CCNY: variants seen among roughly 807,000 people sequenced by gnomAD.
CCNY encodes cyclin Y, also known as cyclin-Y.
In CCNY, 19 loss-of-function variants were observed where a neutral mutation model predicts 42.8. That is an observed-to-expected ratio of 0.44 (90% confidence interval 0.31 to 0.65). The LOEUF (loss-of-function observed/expected upper bound fraction) is 0.65. CCNY is among the 30% of genes least tolerant of loss of function. The pLI is 0.07. For missense variants in CCNY, 370 were observed against 437.3 expected (o/e 0.85, Z 1.37); for synonymous variants, 165 against 162.7 (o/e 1.01, Z -0.11).
At chr10:35,263,960 G>T (rs2095722332) in intron 3 of CCNY, among the ~76,000 whole-genome samples, 1 of 152,186 alleles carries the variant, frequency 6.6e-6, no homozygotes, top group Admixed American at 6.6e-5. Context: ...ACGTTAGTTT[G>T]CTGAGGAATG....
chr10:35,553,059 T>C lies in CCNY; in HGVS notation c.620T>C (p.Ile207Thr), dbSNP rs781608774. 11 of 1,614,092 alleles carry C rather than the reference T, an allele frequency of 6.8e-6. No individual in the cohort carries two copies. Among genetic ancestry groups the C allele is most frequent in the East Asian group, 4.5e-5 (2 of 44,904 alleles). ...CTTTTAACATACGCAGAGATAGATA[T>C]CTGTCCGGCCAACTGGAAGCGGATT... ...ERLLTYAEIDICPANWKRIVL... is the reference protein window; with the variant it reads ...ERLLTYAEIDTCPANWKRIVL... Residue 207 changes from isoleucine (I) to threonine (T), a missense_variant, in exon 8 of 10, where the codon ATC (isoleucine) becomes ACC (threonine). Coordinates refer to ENST00000374704, the MANE Select transcript of CCNY (RefSeq NM_145012.6).
chr10:35,294,772 G>A (rs893339419), intron 3 of CCNY, among the ~76,000 whole-genome samples: 1 of 152,156 alleles, frequency 6.6e-6, no homozygotes, highest in African/African-American at 2.4e-5. Flanking sequence ...GATTTGGGAA[G>A]CATTTTATAC....
chr10:35,255,459 G>C (rs992814408), intron 3 of CCNY, among the ~76,000 whole-genome samples: 1 of 151,820 alleles, frequency 6.6e-6, no homozygotes, highest in Non-Finnish European at 1.5e-5. Flanking sequence ...ACCATGCCTG[G>C]CTAATTTCCG....
chr10:35,256,451 C>T (rs1415287640), intron 3 of CCNY, among the ~76,000 whole-genome samples: 1 of 151,994 alleles, frequency 6.6e-6, no homozygotes, highest in East Asian at 1.9e-4. Flanking sequence ...ACTTAACATA[C>T]AAGGCTGGGC....
At chr10:35,376,228 T>C (rs1229896497) in intron 1 of CCNY, among the ~76,000 whole-genome samples, 1 of 152,200 alleles carries the variant, frequency 6.6e-6, no homozygotes, top group East Asian at 1.9e-4. Flanking sequence ...TATAAAATGG[T>C]GCAGCCACTG....
chr10:35,542,743 A>G (rs1841030164), intron 7 of CCNY, among the ~76,000 whole-genome samples: 1 of 152,232 alleles, frequency 6.6e-6, no homozygotes, highest in East Asian at 1.9e-4. Flanking sequence ...TGTGGAATCA[A>G]TTGAGTCTGA....
intron 3 of CCNY, among the ~76,000 whole-genome samples, chr10:35,326,335 A>G (rs887110380): frequency 3.9e-5 from 6 of 152,180 alleles, no homozygotes; most frequent in Non-Finnish European, 7.3e-5. Context: ...ACAGTTACTC[A>G]AAGTACAGCC....
At chr10:35,248,410 G>A (rs1002820959) in intron 2 of CCNY, among the ~76,000 whole-genome samples, 9 of 151,864 alleles carry the variant, frequency 5.9e-5, no homozygotes, top group East Asian at 5.8e-4. Context: ...TTGGGAGGCC[G>A]AGTTGGGCAG....
At position 35,477,569 on chromosome 10, in the gene CCNY, C is replaced by T. The variant is rs560332267; in HGVS notation, c.155-5835C>T. 1.6e-3 allele frequency among the ~76,000 whole-genome samples: 236 copies of T among 152,124 alleles called. 2 individuals carry two copies. Among genetic ancestry groups the T allele is most frequent in the Middle Eastern group, 3.4e-3 (1 of 294 alleles). ...TTATCTCAATAGATGCAAAGAAGGC[C>T]TTTGACAAAATTCAACAACCCTTCA... is the stretch of plus-strand genomic sequence containing the variant. On this transcript the variant is annotated intron_variant, in intron 1 of 9. Coordinates refer to ENST00000374704, the MANE Select transcript of CCNY (RefSeq NM_145012.6).
intron 3 of CCNY, among the ~76,000 whole-genome samples, chr10:35,317,264 T>C (rs1835771547): frequency 6.6e-6 from 1 of 152,220 alleles, no homozygotes; most frequent in Admixed American, 6.5e-5. Flanking sequence ...GTGTTAGGAT[T>C]ACAGGCATGA....
At chr10:35,540,478 G>A (rs1466027534) in intron 7 of CCNY, among the ~76,000 whole-genome samples, 1 of 151,898 alleles carries the variant, frequency 6.6e-6, no homozygotes, top group African/African-American at 2.4e-5. Flanking sequence ...ATCCATATTT[G>A]TAAGGAATTT....
intron 1 of CCNY, among the ~76,000 whole-genome samples, chr10:35,420,492 A>G (rs1838135857): frequency 1.3e-5 from 2 of 152,184 alleles, no homozygotes; most frequent in African/African-American, 4.8e-5. Flanking sequence ...TGACTTTGCA[A>G]CTACTCTTTC....
chr10:35,565,004 C>T (rs1159528073), intron 8 of CCNY, among the ~76,000 whole-genome samples: 1 of 151,076 alleles, frequency 6.6e-6, no homozygotes, highest in Non-Finnish European at 1.5e-5. Flanking sequence ...GGTGGGCACC[C>T]CTGGGGGCTT....
intron 1 of CCNY, among the ~76,000 whole-genome samples, chr10:35,446,732 C>T (rs896059607): frequency 6.6e-6 from 1 of 152,194 alleles, no homozygotes; most frequent in African/African-American, 2.4e-5. Context: ...ACTGACAGTG[C>T]TGGGTTGCTC....
intron 1 of CCNY, chr10:35,347,510 A>G: frequency 1.3e-6 from 1 of 780,434 alleles, no homozygotes; most frequent in Non-Finnish European, 1.6e-6. Context: ...TGCAGTGCTT[A>G]CAACATTTTA....
chr10:35,330,282 C>T, intron 3 of CCNY, among the ~76,000 whole-genome samples: 1 of 152,186 alleles, frequency 6.6e-6, no homozygotes, highest in East Asian at 1.9e-4. Flanking sequence ...TAAAGTAATG[C>T]ATCTGACAAT....
At chr10:35,381,368 G>A (rs1234032780) in intron 1 of CCNY, among the ~76,000 whole-genome samples, 1 of 151,782 alleles carries the variant, frequency 6.6e-6, no homozygotes, top group Non-Finnish European at 1.5e-5. Context: ...GAGACCAGCC[G>A]GGCCAACATG....
chr10:35,372,075 A>G (rs1836949375), intron 1 of CCNY, among the ~76,000 whole-genome samples: 1 of 152,106 alleles, frequency 6.6e-6, no homozygotes, highest in Admixed American at 6.5e-5. Context: ...TTATATTTAC[A>G]TTTTCCTGCA....
chr10:35,271,988 G>A (rs915224814), intron 3 of CCNY, among the ~76,000 whole-genome samples: 6 of 152,110 alleles, frequency 3.9e-5, no homozygotes, highest in African/African-American at 1.4e-4. Context: ...CTGTCACAAA[G>A]TGCCATAAAT....
Sources: allele counts gnomAD v4.1 joint callset (sites outside exome capture counted in the v4.1 genomes callset), GRCh38; gene constraint gnomAD v4.1.1; transcripts MANE v1.5; gene names NCBI Gene and HGNC (gene_info 2026-07-23, HGNC 2026-07-21).